The following POSTN variants were observed in gnomAD, a reference collection of about 807,000 sequenced individuals.
POSTN encodes the protein periostin.
Under a neutral mutation model 104.5 loss-of-function variants are expected in POSTN, and 71 were observed. The observed-to-expected ratio is 0.68, with a 90% CI of 0.56 to 0.83. POSTN has a LOEUF of 0.83. POSTN is among the 40% of genes least tolerant of loss of function. The pLI is 0.00. For missense variants in POSTN, 949 were observed against 1,006.8 expected (o/e 0.94, Z 0.78); for synonymous variants, 355 against 340.7 (o/e 1.04, Z -0.46).
chr13:37,565,056 T>C (rs1051811689), intron 21 of POSTN: 6 of 152,558 alleles, frequency 3.9e-5, no homozygotes, highest in African/African-American at 1.2e-4. Context: ...GACAACAAAG[T>C]AGCACTGACC....
chr13:37,589,589 A>C (rs1950864737), intron 4 of POSTN, among the ~76,000 whole-genome samples: 1 of 152,152 alleles, frequency 6.6e-6, no homozygotes, highest in African/African-American at 2.4e-5. Context: ...GCAAGGAAGA[A>C]GATGAGTCAG....
At chr13:37,588,679 G>A (rs1950832435) in intron 4 of POSTN, among the ~76,000 whole-genome samples, 3 of 152,180 alleles carry the variant, frequency 2.0e-5, no homozygotes, top group South Asian at 2.1e-4. Context: ...TTTAAATCCA[G>A]TGCTGAGATA....
At chr13:37,592,322 G>A (rs959463341) in intron 2 of POSTN, among the ~76,000 whole-genome samples, 158 bp from the exon 3 acceptor site, 3 of 151,800 alleles carry the variant, frequency 2.0e-5, no homozygotes, top group African/African-American at 4.8e-5. Flanking sequence ...CTTTTGAGAC[G>A]GAGTCTCGCT....
intron 19 of POSTN, 122 bp from the exon 20 acceptor site, chr13:37,569,943 T>A: frequency 1.5e-6 from 1 of 659,730 alleles, no homozygotes; most frequent in Non-Finnish European, 2.7e-6. Flanking sequence ...TGTTCAACTC[T>A]GATACTTCAG....
intron 16 of POSTN, among the ~76,000 whole-genome samples, chr13:37,576,194 T>G (rs1950404737): frequency 6.6e-6 from 1 of 152,170 alleles, no homozygotes; most frequent in Non-Finnish European, 1.5e-5. Flanking sequence ...AAATGGATGT[T>G]ATTTTGGGGA....
intron 7 of POSTN, 76 bp from the exon 8 acceptor site, chr13:37,585,004 T>C: frequency 6.4e-7 from 1 of 1,558,514 alleles, no homozygotes; most frequent in Non-Finnish European, 8.7e-7. Context: ...TGTGTTTCAC[T>C]GTGGAACTAA....
At chr13:37,594,004 A>G (rs1023350689) in intron 2 of POSTN, among the ~76,000 whole-genome samples, 1 of 151,886 alleles carries the variant, frequency 6.6e-6, no homozygotes, top group African/African-American at 2.4e-5. Flanking sequence ...ACTTCAAGTT[A>G]TTCTCTAATT....
chr13:37,587,875 T>G lies in POSTN; in HGVS notation c.553A>C (p.Ile185Leu). Residue 185 changes from isoleucine to leucine, a missense_variant, in exon 5 of 23, where the codon ATT becomes CTT. Transcript: ENST00000379747. ...LTKDLKNGMIIPSMYNNLGLF... is the reference protein window; with the variant it reads ...LTKDLKNGMILPSMYNNLGLF... Reference sequence around the variant, plus strand: ...CCCAAATTGTTATACATTGAAGGAATAATCATGCCATTTTTTAAGTCCTTG... The same window carrying G: ...CCCAAATTGTTATACATTGAAGGAAGAATCATGCCATTTTTTAAGTCCTTG... 1 of 1,605,774 alleles carries G rather than the reference T, an allele frequency of 6.2e-7. No homozygotes were observed. Among genetic ancestry groups the G allele is most frequent in the Non-Finnish European group, 8.5e-7 (1 of 1,173,128 alleles).
rs185597450 is a variant in POSTN, at chr13:37,577,794, A to G, written c.1967T>C (p.Val656Ala). The G allele has an allele frequency of 3.7e-6, 6 of 1,613,616 alleles. No individual in the cohort carries two copies. The African/African-American group carries it at 6.7e-5, about 18-fold the overall frequency. Residue 656 changes from valine to alanine, a missense_variant, in exon 16 of 23, where the codon GTT becomes GCT. By Grantham distance (64) the Val-to-Ala change is moderately conservative. Coordinates refer to ENST00000379747, the MANE Select transcript of POSTN (RefSeq NM_006475.3). ...KLIKYIQIKF[V>A]RGSTFKEIPV... The stretch of plus-strand genomic sequence containing the variant: ...GATTTCTTTGAAGGTGCTACCACGA[A>G]CAAACTGAAAATAAATGTTTATATT...
intron 17 of POSTN, among the ~76,000 whole-genome samples, chr13:37,572,025 T>C (rs1249349598): frequency 6.6e-6 from 1 of 151,668 alleles, no homozygotes; most frequent in African/African-American, 2.4e-5. Context: ...TTACCTTCTG[T>C]ATGGGAATGA....
At chr13:37,573,237 T>A (rs1299060206) in intron 17 of POSTN, among the ~76,000 whole-genome samples, 2 of 151,554 alleles carry the variant, frequency 1.3e-5, no homozygotes, top group Non-Finnish European at 3.0e-5. Flanking sequence ...AGGACAAGAT[T>A]TGATTTTAAA....
rs1437226357 is a variant in POSTN at position 37,562,846 on chromosome 13, T to C, written c.*487A>G. The C allele has an allele frequency of 2.0e-5, 3 of 152,284 alleles. No individual in the cohort carries two copies. The highest frequency in any genetic ancestry group is 7.2e-5 in the African/African-American group (3 of 41,470). The allele number at this position is 152,284 out of a possible 1,614,324, so 9.4% of individuals were successfully genotyped here. A position where few individuals can be genotyped will look rare whatever the true frequency, so the allele number is the denominator to read the frequency against. On this transcript the variant is annotated 3_prime_UTR_variant, in exon 23 of 23. Transcript: ENST00000379747. Reference sequence around the variant, plus strand: ...CATAATTTACCAGTAAACCCACTCATATAGAAATGTGCAAAGCCTTTTGAT... The same window carrying C: ...CATAATTTACCAGTAAACCCACTCACATAGAAATGTGCAAAGCCTTTTGAT...
intron 2 of POSTN, among the ~76,000 whole-genome samples, chr13:37,596,595 T>A (rs995577161): frequency 6.6e-6 from 1 of 152,216 alleles, no homozygotes; most frequent in Non-Finnish European, 1.5e-5. Context: ...TGAGCTTCCG[T>A]TATCACCTTG....
intron 22 of POSTN, among the ~76,000 whole-genome samples, chr13:37,564,077 C>A (rs1950007698): frequency 6.7e-6 from 1 of 150,010 alleles, no homozygotes; most frequent in African/African-American, 2.4e-5. Context: ...GATTCAGGTC[C>A]ACCTGCAATC....
At chr13:37,594,379 T>G (rs893836278) in intron 2 of POSTN, among the ~76,000 whole-genome samples, 1 of 152,104 alleles carries the variant, frequency 6.6e-6, no homozygotes, top group Non-Finnish European at 1.5e-5. Flanking sequence ...TTCCAGCAGT[T>G]CATTGTAATA....
Position 37,581,252 on chromosome 13 carries a change from T to G in POSTN, c.1393-555A>C, listed in dbSNP as rs142687153. On this transcript the variant is annotated intron_variant, in intron 10 of 22. Coordinates refer to ENST00000379747, the MANE Select transcript of POSTN (RefSeq NM_006475.3). ...AATGCATACTTAAAAATGTTTGGAA[T>G]TTTGTAGCTGCAGGGAGCTGCTGAC... 6.5e-3 allele frequency among the ~76,000 whole-genome samples: 986 copies of G among 152,322 alleles called. 5 individuals are homozygous for G. The highest frequency in any genetic ancestry group is 0.037 in the Middle Eastern group (11 of 294).
intron 22 of POSTN, among the ~76,000 whole-genome samples, chr13:37,563,942 A>G (rs1162847240): frequency 1.3e-5 from 2 of 151,796 alleles, no homozygotes; most frequent in Non-Finnish European, 2.9e-5. Context: ...ATATATACAT[A>G]TATAATCTAC....
intron 2 of POSTN, among the ~76,000 whole-genome samples, chr13:37,592,365 C>T (rs978087554): frequency 6.6e-6 from 1 of 152,108 alleles, no homozygotes; most frequent in Admixed American, 6.5e-5. Context: ...GTGGCGCGAT[C>T]TGGGTTCACT....
intron 2 of POSTN, among the ~76,000 whole-genome samples, 174 bp downstream of exon 2, chr13:37,597,010 G>A (rs1205428718): frequency 6.6e-6 from 1 of 152,128 alleles, no homozygotes; most frequent in African/African-American, 2.4e-5. Flanking sequence ...AGTAATATTG[G>A]AGATGCAGGG....
Sources: gnomAD v4.1 joint callset for allele counts (sites outside exome capture counted in the v4.1 genomes callset) on GRCh38, gnomAD v4.1.1 for gene constraint, MANE v1.5 for transcripts, NCBI Gene and HGNC (gene_info 2026-07-23, HGNC 2026-07-21) for gene names.